Variants in TECR observed in about 807,000 individuals in gnomAD.
The protein encoded by TECR is very-long-chain enoyl-CoA reductase.
TECR carries 19 observed loss-of-function variants against 50.6 expected under a neutral mutation model. The ratio of observed to expected loss-of-function variants is 0.38; its 90% confidence interval spans 0.26 to 0.55. TECR has a LOEUF of 0.55. Among genes scored for constraint, TECR ranks in the 20% least tolerant of loss-of-function variants. The pLI is 0.79. For missense variants in TECR, 313 were observed against 408.3 expected (o/e 0.77, Z 2.01); for synonymous variants, 168 against 163.5 (o/e 1.03, Z -0.21).
chr19:14,543,577 T>C (rs1318790905), intron 1 of TECR, among the ~76,000 whole-genome samples: 2 of 147,310 alleles, frequency 1.4e-5, no homozygotes, highest in African/African-American at 2.5e-5. Context: ...TAGCTGGGAC[T>C]ACAGGCGCCC....
intron 1 of TECR, among the ~76,000 whole-genome samples, chr19:14,542,906 T>TA (rs2073150109): frequency 1.3e-5 from 2 of 152,056 alleles, no homozygotes; most frequent in South Asian, 2.1e-4. Flanking sequence ...ATCAGGCTCT[T>TA]ACGTAAGCAG....
At chr19:14,535,391 C>T (rs185718454) in intron 1 of TECR, among the ~76,000 whole-genome samples, 2,325 of 149,390 alleles carry the variant, frequency 0.016, 46 homozygotes, top group African/African-American at 0.051. Flanking sequence ...ACCTGTAGTC[C>T]CAGCTACTTG....
rs1304694848 is a variant in TECR at position 14,564,098 on chromosome 19, G to A, written c.383+1G>A. The A allele has an allele frequency of 6.2e-7, 1 of 1,611,464 alleles. No homozygotes were observed. The highest frequency in any genetic ancestry group is 8.5e-7 in the Non-Finnish European group (1 of 1,179,910). ...CGTCCAGTCGGCATACAGTGGTGCA[G>A]TAAGTGGGGCAGGTGGGAGGAGGGT... On this transcript the variant is annotated splice_donor_variant, in intron 6 of 12. Transcript: ENST00000215567. LOFTEE classifies it high-confidence loss of function.
At chr19:14,547,325 T>G (rs2073340619) in intron 1 of TECR, among the ~76,000 whole-genome samples, 2 of 151,788 alleles carry the variant, frequency 1.3e-5, no homozygotes, top group African/African-American at 4.8e-5. Context: ...GTTACAGGCG[T>G]GAGCCACCGT....
At chr19:14,552,359 T>C (rs1171720831) in intron 1 of TECR, among the ~76,000 whole-genome samples, 1 of 150,284 alleles carries the variant, frequency 6.7e-6, no homozygotes, top group Admixed American at 6.7e-5. Context: ...CTGTTGCACA[T>C]AGCCCTGCTC....
At chr19:14,560,960 T>C (rs1229912117) in intron 1 of TECR, among the ~76,000 whole-genome samples, 1 of 152,098 alleles carries the variant, frequency 6.6e-6, no homozygotes, top group African/African-American at 2.4e-5. Context: ...GTCTGCTTCC[T>C]ACCTGCCCCC....
chr19:14,532,643 G>A (rs1279548868), intron 1 of TECR: 2 of 152,076 alleles, frequency 1.3e-5, no homozygotes, highest in African/African-American at 4.8e-5. Context: ...TACCCATAGA[G>A]GCGATAGCTA....
intron 1 of TECR, among the ~76,000 whole-genome samples, chr19:14,559,579 G>A (rs753892939): frequency 6.6e-6 from 1 of 152,094 alleles, no homozygotes; most frequent in Non-Finnish European, 1.5e-5. Context: ...CTGAGCTCAG[G>A]AGTTCGAGAC....
chr19:14,539,663 C>T (rs565069780), intron 1 of TECR, among the ~76,000 whole-genome samples: 25 of 152,264 alleles, frequency 1.6e-4, no homozygotes, highest in African/African-American at 4.6e-4. Flanking sequence ...CCCAAAACCA[C>T]GTTCCTGCCC....
chr19:14,542,382 A>G (rs1462185599), intron 1 of TECR, among the ~76,000 whole-genome samples: 2 of 44,902 alleles, frequency 4.5e-5, no homozygotes, highest in Admixed American at 2.7e-4. Flanking sequence ...TTTTTCTGAG[A>G]TGGAGTTTCG....
intron 1 of TECR, among the ~76,000 whole-genome samples, chr19:14,538,540 T>C (rs1009585600): frequency 6.6e-6 from 1 of 150,492 alleles, no homozygotes; most frequent in East Asian, 1.9e-4. Context: ...TTTTTTCTTT[T>C]TTTTTTTTTT....
At chr19:14,548,178 C>T (rs932496737) in intron 1 of TECR, among the ~76,000 whole-genome samples, 2 of 151,778 alleles carry the variant, frequency 1.3e-5, no homozygotes, top group East Asian at 1.9e-4. Context: ...TAGCCAGGAT[C>T]GTGTCGATCT....
intron 1 of TECR, among the ~76,000 whole-genome samples, chr19:14,539,205 A>G (rs1274024357): frequency 7.5e-6 from 1 of 133,392 alleles, no homozygotes; most frequent in Non-Finnish European, 1.5e-5. Flanking sequence ...CGTGTTAGCC[A>G]GGATGGTCTC....
At chr19:14,540,877 C>T (rs2073073750) in intron 1 of TECR, among the ~76,000 whole-genome samples, 1 of 152,040 alleles carries the variant, frequency 6.6e-6, no homozygotes, top group African/African-American at 2.4e-5. Context: ...TGCTCTTGCC[C>T]AGGCTGGAGT....
chr19:14,529,901 A>G (rs1012227702), intron 1 of TECR, 190 bp downstream of exon 1: 1 of 790,474 alleles, frequency 1.3e-6, no homozygotes, highest in East Asian at 2.7e-5. Flanking sequence ...GGAAGTATTT[A>G]TAAATCTGCA....
intron 1 of TECR, among the ~76,000 whole-genome samples, chr19:14,551,835 C>G (rs2146603262): frequency 6.6e-6 from 1 of 151,602 alleles, no homozygotes; most frequent in African/African-American, 2.4e-5. Flanking sequence ...TTTTGTTTTT[C>G]TTTTGTTTGG....
chr19:14,564,485 C>T (rs553289076), intron 7 of TECR, among the ~76,000 whole-genome samples, 198 bp downstream of exon 7: 63 of 109,480 alleles, frequency 5.8e-4, no homozygotes, highest in African/African-American at 2.0e-3. Flanking sequence ...AGCCCCGCCC[C>T]CGTCGGGCCC....
intron 1 of TECR, among the ~76,000 whole-genome samples, chr19:14,560,894 G>T (rs963072659): frequency 2.0e-5 from 3 of 152,146 alleles, no homozygotes; most frequent in Non-Finnish European, 2.9e-5. Flanking sequence ...TCTGTCAGGG[G>T]TCACCTAGTG....
intron 1 of TECR, chr19:14,532,054 A>G (rs1159245847): frequency 1.3e-5 from 2 of 151,604 alleles, no homozygotes; most frequent in Admixed American, 6.6e-5. Context: ...AGCTTGAAAC[A>G]TGCAGTTTGG....
Sources: gnomAD v4.1 joint callset for allele counts (sites outside exome capture counted in the v4.1 genomes callset) on GRCh38, gnomAD v4.1.1 for gene constraint, MANE v1.5 for transcripts, NCBI Gene and HGNC (gene_info 2026-07-23, HGNC 2026-07-21) for gene names.